GADL1: variants seen among roughly 807,000 people sequenced by gnomAD.
The protein encoded by GADL1 is acidic amino acid decarboxylase GADL1.
GADL1 carries 71 observed loss-of-function variants against 69.5 expected under a neutral mutation model. The observed-to-expected ratio is 1.02, with a 90% confidence interval of 0.84 to 1.25. The LOEUF (loss-of-function observed/expected upper bound fraction) is 1.25. Ranked by LOEUF, GADL1 falls within the 50% of genes most tolerant of loss-of-function variation. The pLI, the probability that GADL1 is intolerant of heterozygous loss-of-function variation, is 0.00. For missense variants in GADL1, 737 were observed against 631.8 expected (o/e 1.17, Z -1.79); for synonymous variants, 254 against 214.4 (o/e 1.18, Z -1.62).
intron 1 of GADL1, among the ~76,000 whole-genome samples, chr3:30,887,126 A>G (rs993691856): frequency 1.3e-5 from 2 of 152,166 alleles, no homozygotes; most frequent in East Asian, 1.9e-4. Context: ...GGACTCCAAC[A>G]TGGTGTGTCA....
chr3:30,810,947 G>GCGTA (rs1697340968), intron 11 of GADL1, among the ~76,000 whole-genome samples: 2 of 152,256 alleles, frequency 1.3e-5, no homozygotes, highest in South Asian at 2.1e-4. Flanking sequence ...TACCAGCTAT[G>GCGTA]AACTGCTAAG....
intron 11 of GADL1, among the ~76,000 whole-genome samples, chr3:30,801,504 CCTT>C (rs1697165236): frequency 6.6e-6 from 1 of 151,920 alleles, no homozygotes; most frequent in South Asian, 2.1e-4. Context: ...GGTTTTAAGA[CCTT>C]CTCTCCTTCA....
At chr3:30,804,176 T>G (rs1265584380) in intron 11 of GADL1, among the ~76,000 whole-genome samples, 1 of 152,228 alleles carries the variant, frequency 6.6e-6, no homozygotes, top group African/African-American at 2.4e-5. Context: ...TCAGGCACAG[T>G]TGAATCCGGT....
intron 1 of GADL1, among the ~76,000 whole-genome samples, chr3:30,882,226 T>C (rs570746530): frequency 6.6e-6 from 1 of 151,940 alleles, no homozygotes; most frequent in Non-Finnish European, 1.5e-5. Flanking sequence ...TAGTGTTAAG[T>C]ATATTCACAT....
chr3:30,858,116 G>A (rs776114620), intron 2 of GADL1, among the ~76,000 whole-genome samples: 19 of 151,742 alleles, frequency 1.3e-4, no homozygotes, highest in Non-Finnish European at 2.4e-4. Context: ...GTTACTTATT[G>A]TATCCTACAT....
At chr3:30,766,185 T>C (rs1465642051) in intron 14 of GADL1, among the ~76,000 whole-genome samples, 2 of 152,058 alleles carry the variant, frequency 1.3e-5, no homozygotes, top group Non-Finnish European at 2.9e-5. Context: ...AGGAGGAAAT[T>C]GAACATGGGG....
At chr3:30,865,355 C>G (rs1698386386) in intron 1 of GADL1, among the ~76,000 whole-genome samples, 1 of 151,594 alleles carries the variant, frequency 6.6e-6, no homozygotes, top group Admixed American at 6.6e-5. Flanking sequence ...TCTGTGAGAG[C>G]ATGAGTTTGT....
chr3:30,730,140 G>C (rs1351314327), intron 14 of GADL1, among the ~76,000 whole-genome samples: 7 of 152,174 alleles, frequency 4.6e-5, no homozygotes, highest in Non-Finnish European at 4.4e-5. Context: ...ATGTCCAGTT[G>C]ATGCTGGAAG....
At position 30,742,282 on chromosome 3, in the gene GADL1, GT is replaced by G. The variant is rs1249924547; in HGVS notation, c.1393-13868del. On this transcript the variant is annotated intron_variant, in intron 14 of 14. Coordinates refer to ENST00000282538, the MANE Select transcript of GADL1 (RefSeq NM_207359.3). ...GAAATAGTTATTGGAACATTAAGTG[GT>G]TTTTTTTTTTGGCCTTAAACTTTTA... Among the ~76,000 whole-genome samples the G allele has an allele frequency of 5.6e-3, 796 of 142,926 alleles. 5 individuals carry two copies. The highest frequency in any genetic ancestry group is 0.015 in the African/African-American group (578 of 39,204). 93.8% of individuals were successfully genotyped at this position (142,926 alleles called of 152,430 possible). A position where few individuals can be genotyped will look rare whatever the true frequency, so the allele number is the denominator to read the frequency against.
chr3:30,741,001 A>ATATATAT (rs1169762536), intron 14 of GADL1, among the ~76,000 whole-genome samples: 1,086 of 89,152 alleles, frequency 0.012, 12 homozygotes, highest in Middle Eastern at 0.016. Flanking sequence ...TTATATATTA[A>ATATATAT]TATATATTAT....
chr3:30,754,648 T>C (rs1695921248), intron 14 of GADL1, among the ~76,000 whole-genome samples: 1 of 151,896 alleles, frequency 6.6e-6, no homozygotes, highest in Admixed American at 6.6e-5. Flanking sequence ...AAAAACTGCC[T>C]GTGAAATTAT....
At chr3:30,766,213 T>G (rs527300098) in intron 14 of GADL1, among the ~76,000 whole-genome samples, 1 of 151,528 alleles carries the variant, frequency 6.6e-6, no homozygotes, top group African/African-American at 2.4e-5. Context: ...AATGAAGAGG[T>G]GGTAGAATAT....
intron 1 of GADL1, among the ~76,000 whole-genome samples, chr3:30,880,717 T>C (rs1343131079): frequency 6.6e-6 from 1 of 151,948 alleles, no homozygotes; most frequent in Non-Finnish European, 1.5e-5. Context: ...TGGAGGATTT[T>C]GGTATCCACA....
chr3:30,872,319 G>C (rs1394442326), intron 1 of GADL1, among the ~76,000 whole-genome samples: 2 of 151,872 alleles, frequency 1.3e-5, no homozygotes, highest in African/African-American at 2.4e-5. Context: ...CTCAGGAGCT[G>C]TATCTTCCTT....
intron 14 of GADL1, among the ~76,000 whole-genome samples, chr3:30,739,380 C>T (rs1453937149): frequency 6.6e-6 from 1 of 152,094 alleles, no homozygotes; most frequent in Non-Finnish European, 1.5e-5. Flanking sequence ...CCTGCCTGTG[C>T]CCACCTGCCT....
intron 14 of GADL1, among the ~76,000 whole-genome samples, chr3:30,740,070 C>G (rs1695594181): frequency 6.6e-6 from 1 of 151,942 alleles, no homozygotes; most frequent in African/African-American, 2.4e-5. Flanking sequence ...CTATTGTGTC[C>G]AGGGGGCTAC....
At chr3:30,783,541 A>C (rs1411171220) in intron 13 of GADL1, among the ~76,000 whole-genome samples, 1 of 152,198 alleles carries the variant, frequency 6.6e-6, no homozygotes, top group Non-Finnish European at 1.5e-5. Flanking sequence ...TCTCTCAAAT[A>C]CATGTACATA....
chr3:30,844,351 T>A (rs1398639031), intron 7 of GADL1, 36 bp downstream of exon 7: 1 of 1,579,254 alleles, frequency 6.3e-7, no homozygotes, highest in South Asian at 1.1e-5. Context: ...AACTTTTCCC[T>A]CCACCCACCA....
chr3:30,811,937 C>G (rs947118070), intron 11 of GADL1, among the ~76,000 whole-genome samples: 3 of 152,110 alleles, frequency 2.0e-5, no homozygotes, highest in African/African-American at 4.8e-5. Flanking sequence ...GATTGGAAAC[C>G]ACTGTTCTGA....
Sources: allele counts gnomAD v4.1 joint callset (sites outside exome capture counted in the v4.1 genomes callset), GRCh38; gene constraint gnomAD v4.1.1; transcripts MANE v1.5; gene names NCBI Gene and HGNC (gene_info 2026-07-23, HGNC 2026-07-21).